SPATS2L: variants seen among roughly 807,000 people sequenced by gnomAD.
SPATS2L encodes the protein SPATS2-like protein.
A neutral mutation model predicts 59.6 loss-of-function variants in SPATS2L; 30 were observed. The ratio of observed to expected loss-of-function variants is 0.50; its 90% CI spans 0.38 to 0.68. SPATS2L has a LOEUF of 0.68. Ranked by LOEUF, SPATS2L falls within the 30% of genes least tolerant of loss-of-function variation. SPATS2L has a pLI of 0.00. For missense variants in SPATS2L, 615 were observed against 700.0 expected, an observed-to-expected ratio of 0.88 and a Z score of 1.37; for synonymous variants, 252 against 263.5, an observed-to-expected ratio of 0.96 and a Z score of 0.42.
chr2:200,396,011 G>GGAAAAAAA (rs1466614581), intron 3 of SPATS2L, among the ~76,000 whole-genome samples: 8 of 10,594 alleles, frequency 7.6e-4, no homozygotes, highest in Non-Finnish European at 1.0e-3. Context: ...ACTCGATCTG[G>GGAAAAAAA]AAAAAAAAAA....
rs1340097461 is a variant in SPATS2L, at chr2:200,412,355, A to C, written c.84A>C (p.Glu28Asp). 6.2e-7 allele frequency: 1 copy of C among 1,608,564 alleles called. No individual in the cohort carries two copies. The highest frequency in any genetic ancestry group is 8.5e-7 in the Non-Finnish European group (1 of 1,177,424). ...RSVVPNKSNN[E>D]IVLVLQQFDF... Reference sequence around the variant, plus strand: ...TTGTTCCCAACAAAAGCAATAATGAAATAGTCCTGGTGCTCCAACAGTTTG... The same window carrying C: ...TTGTTCCCAACAAAAGCAATAATGACATAGTCCTGGTGCTCCAACAGTTTG... The change falls in exon 4 of 13, where the codon GAA becomes GAC. Residue 28 changes from glutamate to aspartate, a missense_variant. Glu to Asp is a conservative substitution (Grantham distance 45). Coordinates refer to ENST00000409140, the MANE Select transcript of SPATS2L (RefSeq NM_001100423.2).
At chr2:200,375,345 G>T (rs559888068) in intron 2 of SPATS2L, among the ~76,000 whole-genome samples, 1 of 152,112 alleles carries the variant, frequency 6.6e-6, no homozygotes, top group Non-Finnish European at 1.5e-5. Context: ...GGCTTTGATC[G>T]AGAGGAACTA....
chr2:200,350,276 A>T (rs887566838), intron 2 of SPATS2L, among the ~76,000 whole-genome samples: 9 of 149,336 alleles, frequency 6.0e-5, no homozygotes, highest in South Asian at 2.1e-4. Context: ...TCAAGTTCCT[A>T]CTCTTTTGTC....
chr2:200,413,391 C>T (rs921316000), intron 4 of SPATS2L, among the ~76,000 whole-genome samples: 17 of 152,148 alleles, frequency 1.1e-4, no homozygotes, highest in Non-Finnish European at 5.9e-5. Flanking sequence ...CTCAGGAATA[C>T]GTTTATCCTA....
chr2:200,429,207 T>C (rs974506097), intron 6 of SPATS2L, among the ~76,000 whole-genome samples: 2 of 152,168 alleles, frequency 1.3e-5, no homozygotes, highest in African/African-American at 4.8e-5. Context: ...AGTCAGGAGA[T>C]AAGAACCATA....
chr2:200,360,715 G>A (rs867179009), intron 2 of SPATS2L, among the ~76,000 whole-genome samples: 6 of 152,092 alleles, frequency 3.9e-5, no homozygotes, highest in African/African-American at 1.4e-4. Flanking sequence ...TGTTATTTTG[G>A]CTTTCATCAC....
chr2:200,306,663 G>A, upstream of SPATS2L: 1 of 987,676 alleles, frequency 1.0e-6, no homozygotes, highest in South Asian at 4.7e-5. Flanking sequence ...CGAGGGGCGG[G>A]AGTGTCCCTG....
At chr2:200,457,449 T>C (rs2106178769) in intron 8 of SPATS2L, among the ~76,000 whole-genome samples, 1 of 152,300 alleles carries the variant, frequency 6.6e-6, no homozygotes, top group South Asian at 2.1e-4. Flanking sequence ...ACTGAGTAAG[T>C]TGGGGCAGAG....
At chr2:200,435,503 A>C (rs2084221377) in intron 6 of SPATS2L, among the ~76,000 whole-genome samples, 1 of 152,154 alleles carries the variant, frequency 6.6e-6, no homozygotes, top group Non-Finnish European at 1.5e-5. Context: ...AGAGACTCAT[A>C]TCAAACGAGG....
intron 1 of SPATS2L, among the ~76,000 whole-genome samples, chr2:200,319,425 C>T (rs2079485456): frequency 1.3e-5 from 2 of 152,090 alleles, no homozygotes. Flanking sequence ...ATTAGCTGAG[C>T]ATGGTGGCGT....
At chr2:200,330,909 C>A (rs779302419) in intron 2 of SPATS2L, among the ~76,000 whole-genome samples, 1 of 152,208 alleles carries the variant, frequency 6.6e-6, no homozygotes, top group African/African-American at 2.4e-5. Context: ...TATCCCAGAA[C>A]GGTGACATTA....
chr2:200,443,535 C>T (rs111537941), intron 8 of SPATS2L, among the ~76,000 whole-genome samples: 3 of 152,260 alleles, frequency 2.0e-5, no homozygotes, highest in African/African-American at 7.2e-5. Flanking sequence ...GCATGTGGTG[C>T]ACAAGCGACA....
At chr2:200,423,627 A>G (rs557249669) in intron 6 of SPATS2L, among the ~76,000 whole-genome samples, 61 of 152,226 alleles carry the variant, frequency 4.0e-4, no homozygotes, top group Non-Finnish European at 6.8e-4. Flanking sequence ...TAATTGAAAA[A>G]TTAGAAAAAA....
At chr2:200,396,887 T>A (rs1327401613) in intron 3 of SPATS2L, among the ~76,000 whole-genome samples, 1 of 152,140 alleles carries the variant, frequency 6.6e-6, no homozygotes, top group African/African-American at 2.4e-5. Context: ...TAGGAAAGGG[T>A]CATTAAATTT....
At chr2:200,309,088 C>T (rs898009482) in intron 1 of SPATS2L, 1 of 717,898 alleles carries the variant, frequency 1.4e-6, no homozygotes, top group Non-Finnish European at 2.6e-6. Context: ...CCCGTTTTGC[C>T]ATGTAAGTGG....
intron 1 of SPATS2L, chr2:200,308,985 G>A (rs1291699217): frequency 4.2e-6 from 3 of 714,872 alleles, no homozygotes; most frequent in Non-Finnish European, 5.2e-6. Flanking sequence ...TTGAGAAGCT[G>A]CTCTGCCACA....
chr2:200,472,145 C>A (rs781125616), intron 11 of SPATS2L, among the ~76,000 whole-genome samples: 2 of 152,220 alleles, frequency 1.3e-5, no homozygotes, highest in Non-Finnish European at 2.9e-5. Context: ...CCTGCCTTGC[C>A]TGTAACCTTG....
At chr2:200,377,149 C>T (rs1040248703) in intron 2 of SPATS2L, among the ~76,000 whole-genome samples, 2 of 152,164 alleles carry the variant, frequency 1.3e-5, no homozygotes, top group Non-Finnish European at 2.9e-5. Context: ...CTTCTTACCA[C>T]GCTATGCCGT....
At chr2:200,373,273 A>T (rs1027641691) in intron 2 of SPATS2L, 3 of 22,782 alleles carry the variant, frequency 1.3e-4, no homozygotes, top group Non-Finnish European at 2.2e-4. Flanking sequence ...GCCTTAACAA[A>T]AAAAAAAAAA....
Sources: gnomAD v4.1 joint callset for allele counts (sites outside exome capture counted in the v4.1 genomes callset) on GRCh38, gnomAD v4.1.1 for gene constraint, MANE v1.5 for transcripts, NCBI Gene and HGNC (gene_info 2026-07-23, HGNC 2026-07-21) for gene names.